UBOX5: variants seen among roughly 807,000 people sequenced by gnomAD.
UBOX5 encodes the protein RING finger protein 37.
Under a neutral mutation model 39.0 loss-of-function variants are expected in UBOX5, and 28 were observed. That is an observed-to-expected ratio of 0.72 (90% CI 0.53 to 0.98). The LOEUF (loss-of-function observed/expected upper bound fraction) is 0.98, where lower values mean the gene tolerates loss of function less well. UBOX5 is among the 50% of genes least tolerant of loss of function. The pLI, the probability that UBOX5 is intolerant of heterozygous loss-of-function variation, is 0.00. For synonymous variants in UBOX5, 283 were observed against 275.5 expected, an observed-to-expected ratio of 1.03 and a Z score of -0.27; for missense variants, 585 against 674.4, an observed-to-expected ratio of 0.87 and a Z score of 1.47.
intron 1 of UBOX5, among the ~76,000 whole-genome samples, chr20:3,159,416 G>A (rs529740313): frequency 3.9e-5 from 6 of 152,294 alleles, no homozygotes; most frequent in East Asian, 3.9e-4. Context: ...GCGATTCGCA[G>A]GCACATCAAA....
chr20:3,147,006 A>C, intron 1 of UBOX5: 1 of 1,614,192 alleles, frequency 6.2e-7, no homozygotes, highest in Non-Finnish European at 8.5e-7. Context: ...GTCTGCATGC[A>C]GGCTGCGGGG....
chr20:3,137,808 CA>C (rs1237714793), intron 1 of UBOX5, among the ~76,000 whole-genome samples: 3 of 152,136 alleles, frequency 2.0e-5, no homozygotes, highest in African/African-American at 7.2e-5. Context: ...CTTATAAATC[CA>C]AATACTCTAC....
At chr20:3,116,131 G>GC (rs1402107605) in intron 3 of UBOX5, among the ~76,000 whole-genome samples, 2 of 152,068 alleles carry the variant, frequency 1.3e-5, no homozygotes, top group African/African-American at 4.8e-5. Context: ...GCTGCTCCCT[G>GC]CCCCCCATTC....
At chr20:3,123,183 G>T in intron 2 of UBOX5, 129 bp downstream of exon 2, 1 of 932,188 alleles carries the variant, frequency 1.1e-6, no homozygotes, top group Non-Finnish European at 1.7e-6. Flanking sequence ...AATACCATCT[G>T]ATGGAATCTA....
rs1600399714 is a variant in UBOX5, at chr20:3,142,022, C to A, written c.-42+17744G>T. The stretch of plus-strand genomic sequence containing the variant: ...AGTGAGACCCTTTTTCTTTTCTTTT[C>A]TTTTCTTTTTTTTTTGCCTCAGCTA... On this transcript the variant is annotated intron_variant, in intron 1 of 4. Coordinates refer to ENST00000217173, the MANE Select transcript of UBOX5 (RefSeq NM_014948.4). Among the ~76,000 whole-genome samples the A allele has an allele frequency of 2.7e-5, 4 of 148,636 alleles. No homozygotes were observed. The South Asian group carries it at 8.5e-4, about 31-fold the overall frequency.
Position 3,121,656 on chromosome 20 carries a change from A to G in UBOX5, c.983T>C (p.Ile328Thr). The G allele has an allele frequency of 1.2e-6, 2 of 1,613,516 alleles. No individual in the cohort carries two copies. The highest frequency in any genetic ancestry group is 1.7e-6 in the Non-Finnish European group (2 of 1,179,804). ...GGAGTGCTGGAGCAGGAAATGGTCA[A>G]TCCGGGCCTTGAGGGAGGGGTGAGG... ...PLPHPSLKAR[I>T]DHFLLQHSIP... Residue 328 changes from isoleucine to threonine, a missense_variant, in exon 3 of 5, where the codon ATT (isoleucine) becomes ACT (threonine). Coordinates refer to ENST00000217173, the MANE Select transcript of UBOX5 (RefSeq NM_014948.4).
chr20:3,124,156 A>G (rs1387634998), intron 1 of UBOX5, among the ~76,000 whole-genome samples: 1 of 152,188 alleles, frequency 6.6e-6, no homozygotes, highest in African/African-American at 2.4e-5. Context: ...CTATGATCAC[A>G]CCACTGCATT....
chr20:3,146,972 T>C, intron 1 of UBOX5: 1 of 1,614,198 alleles, frequency 6.2e-7, no homozygotes, highest in Non-Finnish European at 8.5e-7. Context: ...GTTTGTGAAC[T>C]GAACAGCCAG....
intron 1 of UBOX5, among the ~76,000 whole-genome samples, chr20:3,128,271 C>T (rs6107239): frequency 0.016 from 2,454 of 152,216 alleles, 56 homozygotes; most frequent in African/African-American, 0.056. Flanking sequence ...AGCTTCCTGT[C>T]GGTTTGTTTT....
intron 1 of UBOX5, among the ~76,000 whole-genome samples, chr20:3,125,679 G>A (rs1309783072): frequency 2.8e-4 from 31 of 111,174 alleles, no homozygotes; most frequent in Non-Finnish European, 1.8e-4. Flanking sequence ...GCCTCTGCCC[G>A]GCAGCCGCCC....
At chr20:3,154,169 A>G (rs913209355) in intron 1 of UBOX5, among the ~76,000 whole-genome samples, 49 of 152,326 alleles carry the variant, frequency 3.2e-4, no homozygotes, top group African/African-American at 1.1e-3. Context: ...AATCCCAGGA[A>G]AAAGGTGAAG....
At chr20:3,119,210 A>G (rs1349991282) in intron 3 of UBOX5, among the ~76,000 whole-genome samples, 2 of 152,204 alleles carry the variant, frequency 1.3e-5, no homozygotes, top group Non-Finnish European at 2.9e-5. Flanking sequence ...ACACTGCCCT[A>G]TGGAGAGGCC....
chr20:3,115,246 G>C (rs1168000360), intron 4 of UBOX5, 59 bp downstream of exon 4: 4 of 1,543,500 alleles, frequency 2.6e-6, no homozygotes, highest in African/African-American at 1.4e-5. Context: ...CCAGCATCCA[G>C]AGACAGAAAA....
At chr20:3,152,156 C>T (rs1405049128) in intron 1 of UBOX5, among the ~76,000 whole-genome samples, 1 of 146,596 alleles carries the variant, frequency 6.8e-6, no homozygotes, top group Non-Finnish European at 1.5e-5. Flanking sequence ...GGTAACAGAA[C>T]TCTCCAGCTG....
chr20:3,138,429 C>G (rs376057555), intron 1 of UBOX5, among the ~76,000 whole-genome samples: 1 of 152,066 alleles, frequency 6.6e-6, no homozygotes, highest in Non-Finnish European at 1.5e-5. Context: ...ATAAGTTGTT[C>G]TTCTTTTCCT....
At chr20:3,147,424 T>C (rs1034527206) in intron 1 of UBOX5, 5 of 1,614,210 alleles carry the variant, frequency 3.1e-6, no homozygotes, top group Non-Finnish European at 3.4e-6. Flanking sequence ...TATCCTTCTC[T>C]GCTAAATACC....
chr20:3,147,074 C>A, intron 1 of UBOX5: 2 of 1,614,170 alleles, frequency 1.2e-6, no homozygotes, highest in Non-Finnish European at 1.7e-6. Flanking sequence ...AAGGAAGCCC[C>A]CCAGAGGTAC....
chr20:3,116,172 C>T (rs894461136), intron 3 of UBOX5, among the ~76,000 whole-genome samples: 4 of 152,212 alleles, frequency 2.6e-5, no homozygotes, highest in Non-Finnish European at 5.9e-5. Flanking sequence ...TTCTCTTTCC[C>T]TAACTCCACC....
chr20:3,128,553 C>T (rs972588515), intron 1 of UBOX5, among the ~76,000 whole-genome samples: 2 of 152,136 alleles, frequency 1.3e-5, no homozygotes, highest in African/African-American at 4.8e-5. Flanking sequence ...CCCCTCTTGG[C>T]CCTGACAGAA....
Sources: gnomAD v4.1 joint callset for allele counts (sites outside exome capture counted in the v4.1 genomes callset) on GRCh38, gnomAD v4.1.1 for gene constraint, MANE v1.5 for transcripts, NCBI Gene and HGNC (gene_info 2026-07-23, HGNC 2026-07-21) for gene names.